Variants in NAV2 observed in about 807,000 individuals in gnomAD.
NAV2 encodes neuron navigator 2.
In NAV2, 54 loss-of-function variants were observed where a neutral mutation model predicts 223.2. That is an observed-to-expected ratio of 0.24 (90% CI 0.19 to 0.30). NAV2 has a LOEUF of 0.30. Among genes scored for constraint, NAV2 ranks in the 10% least tolerant of loss-of-function variants. The probability of loss-of-function intolerance (pLI) is 1.00; values close to 1 mark genes in which losing one functional copy is unlikely to be tolerated. For synonymous variants in NAV2, 1,279 were observed against 1,239.3 expected, an observed-to-expected ratio of 1.03 and a Z score of -0.67; for missense variants, 2,806 against 3,147.5, an observed-to-expected ratio of 0.89 and a Z score of 2.60.
At chr11:20,029,385 G>A (rs1321608933) in intron 11 of NAV2, among the ~76,000 whole-genome samples, 1 of 152,206 alleles carries the variant, frequency 6.6e-6, no homozygotes, top group Admixed American at 6.5e-5. Context: ...AGCTAAAAGC[G>A]TTGGTGGGCC....
intron 1 of NAV2, among the ~76,000 whole-genome samples, chr11:19,577,088 T>C (rs2045592092): frequency 6.6e-6 from 1 of 152,230 alleles, no homozygotes; most frequent in African/African-American, 2.4e-5. Context: ...TGTAAAAGCC[T>C]GAATGACCGG....
At chr11:19,546,359 G>A (rs1282047155) in intron 1 of NAV2, among the ~76,000 whole-genome samples, 5 of 152,228 alleles carry the variant, frequency 3.3e-5, no homozygotes, top group African/African-American at 1.2e-4. Context: ...GTTCAGTGGT[G>A]GCTGTGACCA....
chr11:19,902,100 G>A (rs879275242), intron 6 of NAV2, among the ~76,000 whole-genome samples: 32 of 152,124 alleles, frequency 2.1e-4, no homozygotes, highest in Non-Finnish European at 2.9e-4. Flanking sequence ...GAGGAAGGGC[G>A]AGCACTATTA....
Position 19,911,319 on chromosome 11 carries a change from C to G in NAV2, c.931+18725C>G, listed in dbSNP as rs1757355380. Among the ~76,000 whole-genome samples the G allele has an allele frequency of 3.3e-5, 5 of 152,246 alleles. No individual in the cohort carries two copies. The South Asian group carries it at 1.0e-3, about 32-fold the overall frequency. ...TATCCTGGAAGAAGTGAGGTCTAAG[C>G]TGAAAGGTGCATTAGCTATATACAA... On this transcript the variant is annotated intron_variant, in intron 6 of 37. Transcript: ENST00000349880.
intron 1 of NAV2, among the ~76,000 whole-genome samples, chr11:19,513,326 T>G (rs2043339113): frequency 6.6e-6 from 1 of 152,222 alleles, no homozygotes; most frequent in Non-Finnish European, 1.5e-5. Flanking sequence ...ACCCCAATCT[T>G]TGCAGTGGTT....
At chr11:19,939,619 G>A in intron 7 of NAV2, 42 bp from the exon 8 acceptor site, 1 of 1,519,596 alleles carries the variant, frequency 6.6e-7, no homozygotes, top group South Asian at 1.1e-5. Context: ...TGTGGTAGTT[G>A]CCTCTCATGA....
Position 19,993,077 on chromosome 11 carries a change from C to T in NAV2, c.2768+8830C>T, listed in dbSNP as rs529404196. Reference sequence around the variant, plus strand: ...TGCCAACTCCCCTGGTCACCCAAAGCATAGGCCCCAATCCCAAGTCAGAAT... The same window carrying T: ...TGCCAACTCCCCTGGTCACCCAAAGTATAGGCCCCAATCCCAAGTCAGAAT... On this transcript the variant is annotated intron_variant, in intron 11 of 37. Transcript: ENST00000349880. Among the ~76,000 whole-genome samples the T allele has an allele frequency of 5.9e-5, 9 of 152,344 alleles. No individual in the cohort carries two copies. The South Asian group carries it at 8.3e-4, about 14-fold the overall frequency.
At chr11:19,580,406 G>A (rs1445349633) in intron 1 of NAV2, among the ~76,000 whole-genome samples, 1 of 151,698 alleles carries the variant, frequency 6.6e-6, no homozygotes, top group African/African-American at 2.4e-5. Context: ...AAGATCAAGG[G>A]GCCCCATTTG....
At chr11:20,072,228 G>A (rs1444961524) in intron 22 of NAV2, among the ~76,000 whole-genome samples, 1 of 152,158 alleles carries the variant, frequency 6.6e-6, no homozygotes, top group African/African-American at 2.4e-5. Flanking sequence ...TGTCAGGTTT[G>A]TCAAAGATCA....
At chr11:20,055,393 A>G (rs2058301091) in intron 18 of NAV2, among the ~76,000 whole-genome samples, 1 of 152,216 alleles carries the variant, frequency 6.6e-6, no homozygotes, top group Non-Finnish European at 1.5e-5. Context: ...GATTCTTGTC[A>G]TGCACAAATG....
At chr11:19,661,818 G>T (rs2048291883) in intron 1 of NAV2, among the ~76,000 whole-genome samples, 1 of 152,166 alleles carries the variant, frequency 6.6e-6, no homozygotes, top group Non-Finnish European at 1.5e-5. Flanking sequence ...CTATAGTTAG[G>T]TGGGACATTT....
chr11:19,523,734 T>C (rs1307287534), intron 1 of NAV2, among the ~76,000 whole-genome samples: 3 of 152,184 alleles, frequency 2.0e-5, no homozygotes, highest in Non-Finnish European at 4.4e-5. Context: ...AAGCAATTGC[T>C]CTTCAGGACT....
At position 19,356,517 on chromosome 11, in the gene NAV2, G is replaced by A. The variant is rs527897031; in HGVS notation, c.75+5490G>A. Among the ~76,000 whole-genome samples, 7 of 152,306 alleles carry A rather than the reference G, an allele frequency of 4.6e-5. No individual in the cohort carries two copies. In the South Asian group the frequency reaches 1.5e-3, roughly 32 times the overall value. ...GGAGGCAATTCAATCAGCAGTGACT[G>A]TGTTATTAGGTAAGCATCCTTCTGG... On this transcript the variant is annotated intron_variant, in intron 1 of 37. Transcript: ENST00000360655.
At chr11:19,840,461 A>T (rs913273309) in intron 2 of NAV2, among the ~76,000 whole-genome samples, 4 of 152,242 alleles carry the variant, frequency 2.6e-5, no homozygotes, top group Non-Finnish European at 5.9e-5. Flanking sequence ...CTTTCACTGT[A>T]ATGAGCACTA....
rs143310647 is a variant in NAV2 at position 20,099,515 on chromosome 11, G to A, written c.6182-1422G>A. Among the ~76,000 whole-genome samples, 418 of 152,250 alleles carry A rather than the reference G, an allele frequency of 2.7e-3. 1 individual carries two copies. Among genetic ancestry groups the A allele is most frequent in the African/African-American group, 9.1e-3 (377 of 41,526 alleles). On this transcript the variant is annotated intron_variant, in intron 31 of 37. Transcript: ENST00000349880. ...ACCCCTCTGCAGACCCTGATCCATC[G>A]CTGCTGTCAGCACGTCAAGTTTTAG...
At chr11:19,469,271 A>G (rs2041884273) in intron 1 of NAV2, among the ~76,000 whole-genome samples, 1 of 152,220 alleles carries the variant, frequency 6.6e-6, no homozygotes, top group East Asian at 1.9e-4. Context: ...GCTGAGTCAG[A>G]GCCCCAGGGT....
At chr11:19,828,580 C>T (rs1487930378) in intron 1 of NAV2, among the ~76,000 whole-genome samples, 1 of 152,270 alleles carries the variant, frequency 6.6e-6, no homozygotes, top group Admixed American at 6.5e-5. Context: ...CCTTGACCTA[C>T]AGGGCTCAGG....
chr11:19,798,204 C>T (rs1452890994), intron 1 of NAV2, among the ~76,000 whole-genome samples: 1 of 152,204 alleles, frequency 6.6e-6, no homozygotes, highest in African/African-American at 2.4e-5. Context: ...AGTGTACCTA[C>T]TCAGTCTAGT....
intron 6 of NAV2, among the ~76,000 whole-genome samples, chr11:19,895,953 C>T (rs147449861): frequency 4.6e-5 from 7 of 152,160 alleles, no homozygotes; most frequent in East Asian, 3.9e-4. Flanking sequence ...AGTTCTGTCT[C>T]GGGGAGGGAC....
Sources: allele counts gnomAD v4.1 joint callset (sites outside exome capture counted in the v4.1 genomes callset), GRCh38; gene constraint gnomAD v4.1.1; transcripts MANE v1.5; gene names NCBI Gene and HGNC (gene_info 2026-07-23, HGNC 2026-07-21).